CSMD1: variants seen among roughly 807,000 people sequenced by gnomAD.
CSMD1 encodes the protein CUB and Sushi multiple domains 1.
A neutral mutation model predicts 417.5 loss-of-function variants in CSMD1; 213 were observed. That is an observed-to-expected ratio of 0.51 (90% confidence interval 0.46 to 0.57). The LOEUF (loss-of-function observed/expected upper bound fraction) is 0.57. CSMD1 is among the 20% of genes least tolerant of loss of function. The pLI, the probability that CSMD1 is intolerant of heterozygous loss-of-function variation, is 0.00. For synonymous variants in CSMD1, 2,862 were observed against 1,736.8 expected (o/e 1.65, Z -16.11); for missense variants, 6,923 against 4,529.7 (o/e 1.53, Z -15.17).
At chr8:3,137,995 A>T (rs1818206448) in intron 41 of CSMD1, among the ~76,000 whole-genome samples, 1 of 152,140 alleles carries the variant, frequency 6.6e-6, no homozygotes, top group Non-Finnish European at 1.5e-5. Flanking sequence ...GAGGATGAGG[A>T]GGGCAAATGA....
intron 10 of CSMD1, among the ~76,000 whole-genome samples, chr8:3,537,648 T>A (rs964130839): frequency 2.0e-5 from 3 of 152,088 alleles, no homozygotes; most frequent in Non-Finnish European, 4.4e-5. Flanking sequence ...TAGCATCATT[T>A]ATTTCAGGCA....
At chr8:3,908,536 T>G (rs183222292) in intron 5 of CSMD1, among the ~76,000 whole-genome samples, 1 of 152,260 alleles carries the variant, frequency 6.6e-6, no homozygotes, top group Non-Finnish European at 1.5e-5. Context: ...ACTCCTAACC[T>G]AAGGGAAACA....
chr8:4,189,729 C>A (rs989206609), intron 3 of CSMD1, among the ~76,000 whole-genome samples: 46 of 152,064 alleles, frequency 3.0e-4, no homozygotes, highest in African/African-American at 1.1e-3. Context: ...CTAATTAATA[C>A]TTTTGACATT....
At chr8:3,641,908 A>G (rs1380129940) in intron 7 of CSMD1, among the ~76,000 whole-genome samples, 1 of 152,208 alleles carries the variant, frequency 6.6e-6, no homozygotes, top group Admixed American at 6.5e-5. Context: ...TGTGGAAACT[A>G]ATTCTGATTA....
At chr8:3,306,577 C>T (rs532706858) in intron 25 of CSMD1, among the ~76,000 whole-genome samples, 23 of 152,020 alleles carry the variant, frequency 1.5e-4, no homozygotes, top group South Asian at 2.1e-4. Flanking sequence ...GGAGTGTAGA[C>T]GCCTGGGACA....
At chr8:3,870,487 A>C (rs1348938761) in intron 5 of CSMD1, among the ~76,000 whole-genome samples, 2 of 152,084 alleles carry the variant, frequency 1.3e-5, no homozygotes, top group African/African-American at 4.8e-5. Context: ...GTTGAAATTG[A>C]GGGATTAATG....
chr8:3,249,592 G>A (rs538472115), intron 26 of CSMD1, among the ~76,000 whole-genome samples: 22 of 150,682 alleles, frequency 1.5e-4, no homozygotes, highest in East Asian at 3.9e-4. Flanking sequence ...GTTTACAATC[G>A]TATAAATACA....
chr8:3,684,396 G>A (rs550319846), intron 7 of CSMD1, among the ~76,000 whole-genome samples: 1 of 147,166 alleles, frequency 6.8e-6, no homozygotes, highest in Non-Finnish European at 1.5e-5. Flanking sequence ...TAACATATAA[G>A]TACATATATA....
intron 7 of CSMD1, among the ~76,000 whole-genome samples, chr8:3,671,544 TGATC>T (rs1458154479): frequency 0.096 from 1,360 of 14,192 alleles, 238 homozygotes; most frequent in African/African-American, 0.24. Flanking sequence ...TATATATATA[TGATC>T]ATATATATGA....
chr8:4,062,184 C>G (rs2554706), intron 3 of CSMD1, among the ~76,000 whole-genome samples: 93,275 of 151,730 alleles, frequency 0.61, 29,333 homozygotes, highest in South Asian at 0.72. Flanking sequence ...TGCCAAGTGA[C>G]GGGAGTGAGG....
chr8:4,446,697 T>A (rs1275684123), intron 2 of CSMD1, among the ~76,000 whole-genome samples: 2 of 150,268 alleles, frequency 1.3e-5, no homozygotes, highest in African/African-American at 5.0e-5. Flanking sequence ...CGATTACTCG[T>A]GCCCACCACC....
intron 1 of CSMD1, among the ~76,000 whole-genome samples, chr8:4,909,650 G>C (rs554200391): frequency 6.6e-6 from 1 of 152,090 alleles, no homozygotes; most frequent in Non-Finnish European, 1.5e-5. Flanking sequence ...ATGAGTGTAG[G>C]GGCCTCCTAA....
chr8:3,398,035 G>C (rs1183769921), intron 16 of CSMD1, among the ~76,000 whole-genome samples: 2 of 152,136 alleles, frequency 1.3e-5, no homozygotes, highest in Non-Finnish European at 2.9e-5. Flanking sequence ...ATGGAATTTA[G>C]CAAAACATCA....
chr8:4,551,202 C>T (rs149800098), intron 2 of CSMD1, among the ~76,000 whole-genome samples: 55 of 152,280 alleles, frequency 3.6e-4, no homozygotes, highest in African/African-American at 1.2e-3. Flanking sequence ...TGTCCACCAG[C>T]TCCACCAACC....
chr8:4,271,364 A>T (rs1804583951), intron 3 of CSMD1, among the ~76,000 whole-genome samples: 1 of 152,278 alleles, frequency 6.6e-6, no homozygotes, highest in East Asian at 1.9e-4. Flanking sequence ...GGAAAATGTC[A>T]AAATAAATAA....
intron 12 of CSMD1, among the ~76,000 whole-genome samples, chr8:3,451,380 A>C (rs1042345449): frequency 6.6e-6 from 1 of 152,184 alleles, no homozygotes; most frequent in Non-Finnish European, 1.5e-5. Flanking sequence ...TTAGACATGA[A>C]GTCCTTGCCC....
At chr8:3,782,334 G>A (rs924568471) in intron 5 of CSMD1, among the ~76,000 whole-genome samples, 2 of 152,048 alleles carry the variant, frequency 1.3e-5, no homozygotes, top group Non-Finnish European at 1.5e-5. Flanking sequence ...TGGCCCTATA[G>A]GAAAATGTTC....
In CSMD1 at chr8:3,712,380, G is replaced by C. The variant is rs564527743; in HGVS notation, c.932-3889C>G. Among the ~76,000 whole-genome samples, 12 of 40,160 alleles carry C rather than the reference G, an allele frequency of 3.0e-4. No homozygotes were observed. In the East Asian group the frequency reaches 8.4e-3, roughly 28 times the overall value. 26.3% of individuals were successfully genotyped at this position (40,160 alleles called of 152,430 possible). ...TTTTCATTTGCAAAGAAACAGGAGA[G>C]AGAGAGAGAGAGAGAGAGAGACAGA... On this transcript the variant is annotated intron_variant, in intron 6 of 69. Transcript: ENST00000635120.
chr8:4,264,721 T>G (rs1037208321), intron 3 of CSMD1, among the ~76,000 whole-genome samples: 4 of 152,126 alleles, frequency 2.6e-5, no homozygotes, highest in Admixed American at 1.3e-4. Context: ...ACTGATTAAC[T>G]GCCCAGGGGT....
Sources: gnomAD v4.1 joint callset for allele counts (sites outside exome capture counted in the v4.1 genomes callset) on GRCh38, gnomAD v4.1.1 for gene constraint, MANE v1.5 for transcripts, NCBI Gene and HGNC (gene_info 2026-07-23, HGNC 2026-07-21) for gene names.